TMEM120B: variants seen among roughly 807,000 people sequenced by gnomAD.
TMEM120B encodes transmembrane protein 120B.
In TMEM120B, 31 loss-of-function variants were observed where a neutral mutation model predicts 55.5. That is an observed-to-expected ratio of 0.56 (90% CI 0.42 to 0.75). The LOEUF is 0.75. TMEM120B is among the 30% of genes least tolerant of loss of function. The pLI, the probability that TMEM120B is intolerant of heterozygous loss-of-function variation, is 0.00. For missense variants in TMEM120B, 399 were observed against 425.5 expected (o/e 0.94, Z 0.55); for synonymous variants, 203 against 176.3 (o/e 1.15, Z -1.20).
intron 1 of TMEM120B, among the ~76,000 whole-genome samples, chr12:121,732,587 C>G (rs969329479): frequency 2.6e-5 from 4 of 152,176 alleles, no homozygotes; most frequent in African/African-American, 9.6e-5. Flanking sequence ...ATGTTTATAG[C>G]ATGGAGTGTT....
At chr12:121,715,461 C>G (rs1419486048) in intron 1 of TMEM120B, among the ~76,000 whole-genome samples, 14 of 152,216 alleles carry the variant, frequency 9.2e-5, no homozygotes, top group Admixed American at 9.2e-4. Context: ...TTTCTTAGGA[C>G]TTGGTCCTCA....
chr12:121,733,938 A>T (rs934164484), intron 1 of TMEM120B, among the ~76,000 whole-genome samples: 2 of 152,188 alleles, frequency 1.3e-5, no homozygotes, highest in African/African-American at 4.8e-5. Flanking sequence ...ATATACTTTT[A>T]AAAAACCCAA....
At chr12:121,739,495 CAG>C (rs372585596) in intron 1 of TMEM120B, among the ~76,000 whole-genome samples, 19 of 151,628 alleles carry the variant, frequency 1.3e-4, no homozygotes, top group African/African-American at 4.1e-4. Context: ...TTTTTTGGAA[CAG>C]AGTCTCCCTC....
intron 1 of TMEM120B, among the ~76,000 whole-genome samples, chr12:121,721,941 T>G (rs1894799705): frequency 6.7e-6 from 1 of 149,912 alleles, no homozygotes; most frequent in African/African-American, 2.5e-5. Flanking sequence ...CCTGAGTAGC[T>G]GGGACTACAG....
At chr12:121,734,817 G>T (rs1398649713) in intron 1 of TMEM120B, among the ~76,000 whole-genome samples, 2 of 151,978 alleles carry the variant, frequency 1.3e-5, no homozygotes, top group South Asian at 2.1e-4. Flanking sequence ...GGAGGCTGAG[G>T]CAGGAGAATC....
At chr12:121,728,511 G>A (rs1299264350) in intron 1 of TMEM120B, among the ~76,000 whole-genome samples, 1 of 151,694 alleles carries the variant, frequency 6.6e-6, no homozygotes, top group Non-Finnish European at 1.5e-5. Flanking sequence ...AAAGAGAATG[G>A]GTTTCACCAT....
At chr12:121,758,844 G>A (rs1390847299) in intron 5 of TMEM120B, 4 of 979,210 alleles carry the variant, frequency 4.1e-6, no homozygotes, top group African/African-American at 1.8e-5. Flanking sequence ...TCCACGTTGT[G>A]GTCACCATAG....
At chr12:121,725,362 G>A (rs1480971517) in intron 1 of TMEM120B, among the ~76,000 whole-genome samples, 1 of 152,016 alleles carries the variant, frequency 6.6e-6, no homozygotes. Flanking sequence ...TTTGGGTGAG[G>A]GTCTCCCGTG....
intron 1 of TMEM120B, among the ~76,000 whole-genome samples, chr12:121,721,804 C>CTTTTTGTT (rs1894794100): frequency 1.1e-5 from 1 of 91,878 alleles, no homozygotes. Flanking sequence ...ATCAGTTCTA[C>CTTTTTGTT]TTTTTTTTTT....
At chr12:121,721,100 A>G (rs1479155534) in intron 1 of TMEM120B, among the ~76,000 whole-genome samples, 1 of 152,210 alleles carries the variant, frequency 6.6e-6, no homozygotes, top group Admixed American at 6.5e-5. Context: ...TGTCTTCTAC[A>G]TGCGGAGGAT....
intron 1 of TMEM120B, among the ~76,000 whole-genome samples, chr12:121,732,274 A>G (rs973368398): frequency 1.3e-5 from 2 of 152,224 alleles, no homozygotes; most frequent in African/African-American, 4.8e-5. Flanking sequence ...CGGGTGGAGA[A>G]TGTGTCACAC....
At chr12:121,718,616 C>G (rs1271603570) in intron 1 of TMEM120B, among the ~76,000 whole-genome samples, 1 of 152,078 alleles carries the variant, frequency 6.6e-6, no homozygotes, top group African/African-American at 2.4e-5. Flanking sequence ...GAATTCGAAC[C>G]CATGCCTGCT....
intron 8 of TMEM120B, among the ~76,000 whole-genome samples, chr12:121,773,103 G>T (rs1874115484): frequency 6.6e-6 from 1 of 152,182 alleles, no homozygotes; most frequent in Admixed American, 6.5e-5. Flanking sequence ...CATAGCACTG[G>T]CATAGCTTGC....
chr12:121,760,069 T>A (rs1180076857), intron 5 of TMEM120B, among the ~76,000 whole-genome samples: 1 of 145,082 alleles, frequency 6.9e-6, no homozygotes, highest in African/African-American at 2.6e-5. Context: ...AGGCGGAGGT[T>A]GCAGTAAGCC....
At position 121,775,286 on chromosome 12, in the gene TMEM120B, G is replaced by C. The variant is rs1173436710; in HGVS notation, c.906+156G>C. 2.0e-5 allele frequency among the ~76,000 whole-genome samples: 3 copies of C among 151,202 alleles called. No homozygotes were observed. Among genetic ancestry groups the C allele is most frequent in the Admixed American group, 2.0e-4 (3 of 15,176 alleles). On this transcript the variant is annotated intron_variant, in intron 11 of 11. Coordinates refer to ENST00000449592, the MANE Select transcript of TMEM120B (RefSeq NM_001080825.2). This position sits in a 1 kb window ranked among gnomAD's most constrained non-coding sequence, Gnocchi z 4.3. ...GTGTGCGTGTGTGTGGTGTGCTGTG[G>C]GGAGGTTCCTGGGGCGGGCTGGGCT...
rs142350798 is a variant in TMEM120B, at chr12:121,743,481, C to G, written c.70-148C>G. ...GCTGAGGCAGGAGAATCGCTTGAAC[C>G]CAGGAGGCGGAGGTTGCAGTGAGCC... On this transcript the variant is annotated intron_variant, in intron 1 of 11. Transcript: ENST00000449592. The G allele has an allele frequency of 7.0e-3, 3,748 of 538,446 alleles. 23 individuals are homozygous for G. Among genetic ancestry groups the G allele is most frequent in the Non-Finnish European group, 9.6e-3 (2,860 of 297,960 alleles). The allele number at this position is 538,446 out of a possible 1,614,324, so 33.4% of individuals were successfully genotyped here.
At chr12:121,748,494 G>A in intron 3 of TMEM120B, 52 bp downstream of exon 3, 1 of 1,265,882 alleles carries the variant, frequency 7.9e-7, no homozygotes, top group Non-Finnish European at 1.1e-6. Flanking sequence ...CCCAGGCCTA[G>A]CACAGCTGGT....
At position 121,781,497 on chromosome 12, in the gene TMEM120B, C is replaced by A. The variant is rs1237647838; in HGVS notation, c.*5775C>A. 1 of 335,344 alleles carries A rather than the reference C, an allele frequency of 3.0e-6. No individual in the cohort carries two copies. 20.8% of individuals were successfully genotyped at this position (335,344 alleles called of 1,614,324 possible). On this transcript the variant is annotated 3_prime_UTR_variant, in exon 12 of 12. Transcript: ENST00000449592. ...TAACAACAAAACCCATGAGCGGCAGCCCCCCAGTCCTGGATGGTGGTAAAG... is the reference window on the plus strand; with the variant it reads ...TAACAACAAAACCCATGAGCGGCAGACCCCCAGTCCTGGATGGTGGTAAAG...
In TMEM120B at chr12:121,780,537, A is replaced by G. The variant is rs2137478712; in HGVS notation, c.*4815A>G. 3 of 457,150 alleles carry G rather than the reference A, an allele frequency of 6.6e-6. No individual in the cohort carries two copies. The South Asian group carries it at 1.4e-4, about 22-fold the overall frequency. The allele number at this position is 457,150 out of a possible 1,614,324, so 28.3% of individuals were successfully genotyped here. ...ACGACAGGACGGCGGCTCATAGCAC[A>G]GACTTTGGATTGCAGTGGATGGGAC... On this transcript the variant is annotated 3_prime_UTR_variant, in exon 12 of 12. Transcript: ENST00000449592.
Sources: allele counts gnomAD v4.1 joint callset (sites outside exome capture counted in the v4.1 genomes callset), GRCh38; gene constraint gnomAD v4.1.1; non-coding constraint Gnocchi (gnomAD v3.1); transcripts MANE v1.5; gene names NCBI Gene and HGNC (gene_info 2026-07-23, HGNC 2026-07-21).